Variants in CAMKMT observed in about 807,000 individuals in gnomAD.
CAMKMT encodes CaM KMT.
Under a neutral mutation model 48.0 loss-of-function variants are expected in CAMKMT, and 53 were observed. The ratio of observed to expected loss-of-function variants is 1.10; its 90% CI spans 0.89 to 1.39. The LOEUF is 1.39. Ranked by LOEUF, CAMKMT falls within the 40% of genes most tolerant of loss-of-function variation. The pLI is 0.00. For missense variants in CAMKMT, 428 were observed against 402.7 expected (o/e 1.06, Z -0.54); for synonymous variants, 165 against 152.3 (o/e 1.08, Z -0.61).
intron 3 of CAMKMT, among the ~76,000 whole-genome samples, chr2:44,605,369 G>A (rs917354893): frequency 1.3e-5 from 2 of 151,974 alleles, no homozygotes; most frequent in Non-Finnish European, 2.9e-5. Flanking sequence ...GAACATACTT[G>A]GTGGTGGCAT....
At chr2:44,545,603 T>G (rs1294318730) in intron 3 of CAMKMT, among the ~76,000 whole-genome samples, 4 of 152,078 alleles carry the variant, frequency 2.6e-5, no homozygotes, top group Non-Finnish European at 5.9e-5. Context: ...ACAGGGAGGT[T>G]GTGACTTGTC....
At chr2:44,395,585 C>T (rs1445086383) in intron 3 of CAMKMT, among the ~76,000 whole-genome samples, 1 of 152,058 alleles carries the variant, frequency 6.6e-6, no homozygotes, top group Admixed American at 6.6e-5. Flanking sequence ...GGTTTTAGCT[C>T]TGCGGGTTAT....
At chr2:44,377,802 A>C (rs786624) in intron 2 of CAMKMT, among the ~76,000 whole-genome samples, 4 of 151,788 alleles carry the variant, frequency 2.6e-5, no homozygotes, top group Non-Finnish European at 5.9e-5. Context: ...GCATCTTTCT[A>C]TTATAACAAA....
chr2:44,763,694 G>A (rs889300281), intron 9 of CAMKMT, among the ~76,000 whole-genome samples: 5 of 152,176 alleles, frequency 3.3e-5, no homozygotes, highest in Admixed American at 6.5e-5. Flanking sequence ...GCTAGGGAAG[G>A]ACAGGTAAAC....
At chr2:44,428,074 G>A (rs1684397647) in intron 3 of CAMKMT, among the ~76,000 whole-genome samples, 1 of 152,166 alleles carries the variant, frequency 6.6e-6, no homozygotes, top group African/African-American at 2.4e-5. Context: ...TCTACTGTTG[G>A]CTAAGTGTTA....
intron 3 of CAMKMT, among the ~76,000 whole-genome samples, chr2:44,439,570 G>A (rs964068901): frequency 6.6e-6 from 1 of 151,994 alleles, no homozygotes; most frequent in African/African-American, 2.4e-5. Context: ...CGGGCGCAGT[G>A]GCTCACACCT....
At chr2:44,705,533 G>T (rs780948419) in intron 4 of CAMKMT, 13 of 985,338 alleles carry the variant, frequency 1.3e-5, no homozygotes, top group Non-Finnish European at 1.6e-5. Context: ...GGCACAAAGG[G>T]GAAGGTAAGT....
chr2:44,568,942 T>C (rs1216588289), intron 3 of CAMKMT, among the ~76,000 whole-genome samples: 1 of 152,182 alleles, frequency 6.6e-6, no homozygotes, highest in Non-Finnish European at 1.5e-5. Flanking sequence ...AAGGGTCAAG[T>C]CTTGGCTTAG....
chr2:44,631,446 A>T, intron 3 of CAMKMT: 2 of 579,200 alleles, frequency 3.5e-6, no homozygotes, highest in Non-Finnish European at 6.0e-6. Context: ...CAAATCAAAG[A>T]GTTTAAATAA....
At chr2:44,577,341 T>C (rs1457837836) in intron 3 of CAMKMT, among the ~76,000 whole-genome samples, 2 of 152,164 alleles carry the variant, frequency 1.3e-5, no homozygotes, top group African/African-American at 2.4e-5. Flanking sequence ...GCCATAAAGC[T>C]TCTTCTGTGG....
intron 3 of CAMKMT, among the ~76,000 whole-genome samples, chr2:44,452,050 T>C (rs890632175): frequency 1.3e-5 from 2 of 151,982 alleles, no homozygotes; most frequent in Non-Finnish European, 2.9e-5. Flanking sequence ...AATTGTTAAA[T>C]ATGTATACTA....
intron 3 of CAMKMT, chr2:44,456,967 TTAGGTGTA>T (rs1667596739): frequency 5.5e-6 from 1 of 180,924 alleles, no homozygotes; most frequent in South Asian, 1.5e-4. Flanking sequence ...AGTTATTGCA[TTAGGTGTA>T]GCTGCAGTGA....
chr2:44,419,352 T>C (rs1187519907), intron 3 of CAMKMT, among the ~76,000 whole-genome samples: 3 of 152,204 alleles, frequency 2.0e-5, no homozygotes, highest in Non-Finnish European at 4.4e-5. Context: ...ATTAGCTTCA[T>C]GGGTGAAAGT....
At chr2:44,706,054 T>A (rs1187918895) in intron 4 of CAMKMT, among the ~76,000 whole-genome samples, 2 of 152,180 alleles carry the variant, frequency 1.3e-5, no homozygotes, top group Non-Finnish European at 2.9e-5. Flanking sequence ...GGTGGTAATG[T>A]TGCAGTGAAC....
intron 3 of CAMKMT, among the ~76,000 whole-genome samples, chr2:44,539,784 T>G (rs2104851225): frequency 6.6e-6 from 1 of 152,296 alleles, no homozygotes; most frequent in African/African-American, 2.4e-5. Flanking sequence ...TTAGGCACTT[T>G]TGGCAAGCAT....
At chr2:44,592,289 T>C (rs1166795893) in intron 3 of CAMKMT, among the ~76,000 whole-genome samples, 3 of 90,986 alleles carry the variant, frequency 3.3e-5, no homozygotes, top group Non-Finnish European at 7.8e-5. Context: ...TATTTCTTCT[T>C]GAATAATCTT....
At chr2:44,369,485 A>G (rs1678946971) in intron 1 of CAMKMT, among the ~76,000 whole-genome samples, 1 of 152,202 alleles carries the variant, frequency 6.6e-6, no homozygotes, top group Admixed American at 6.5e-5. Context: ...TAGTGAATTA[A>G]GTGCTTACAA....
chr2:44,712,870 A>C (rs1677957935), intron 6 of CAMKMT, among the ~76,000 whole-genome samples: 1 of 152,176 alleles, frequency 6.6e-6, no homozygotes, highest in Non-Finnish European at 1.5e-5. Flanking sequence ...TGCCGTCCAG[A>C]AGAACCATCA....
At chr2:44,696,054 T>G (rs1208879419) in intron 3 of CAMKMT, among the ~76,000 whole-genome samples, 1 of 152,114 alleles carries the variant, frequency 6.6e-6, no homozygotes, top group Non-Finnish European at 1.5e-5. Context: ...GCGATTTTCC[T>G]GCCTCAGCCT....
Sources: allele counts gnomAD v4.1 joint callset (sites outside exome capture counted in the v4.1 genomes callset), GRCh38; gene constraint gnomAD v4.1.1; transcripts MANE v1.5; gene names NCBI Gene and HGNC (gene_info 2026-07-23, HGNC 2026-07-21).